Variants in RAPGEF4 observed in about 807,000 individuals in gnomAD.
The protein encoded by RAPGEF4 is RAP guanine-nucleotide-exchange factor (GEF) 4.
A neutral mutation model predicts 147.9 loss-of-function variants in RAPGEF4; 66 were observed. The observed-to-expected ratio is 0.45, with a 90% confidence interval of 0.37 to 0.55. RAPGEF4 has a LOEUF of 0.55. Ranked by LOEUF, RAPGEF4 falls within the 20% of genes least tolerant of loss-of-function variation. The pLI, the probability that RAPGEF4 is intolerant of heterozygous loss-of-function variation, is 0.00. For missense variants in RAPGEF4, 1,071 were observed against 1,257.3 expected (o/e 0.85, Z 2.24); for synonymous variants, 419 against 442.7 (o/e 0.95, Z 0.67).
rs3214814 is a variant in RAPGEF4, at chr2:173,001,248, G to GTT, written c.1580-12_1580-11dup. 1.3e-5 allele frequency: 21 copies of GTT among 1,612,468 alleles called. No individual in the cohort carries two copies. Among genetic ancestry groups the GTT allele is most frequent in the Middle Eastern group, 3.3e-4 (2 of 6,082 alleles). ...CCACAAGAACCTAATTTCCTTTTCTGTTTTTTTCCCCTTCCAGATTCTGTT... is the reference window on the plus strand; with the variant it reads ...CCACAAGAACCTAATTTCCTTTTCTGTTTTTTTTTCCCCTTCCAGATTCTGTT... On this transcript the variant is annotated splice_polypyrimidine_tract_variant and intron_variant, in intron 16 of 30. Transcript: ENST00000397081.
intron 13 of RAPGEF4, 24 bp from the exon 14 acceptor site, chr2:172,988,669 A>T: frequency 6.2e-7 from 1 of 1,600,548 alleles, no homozygotes; most frequent in Non-Finnish European, 8.6e-7. Context: ...GATCTTCTTC[A>T]TCTGTGTGCT....
chr2:172,994,798 A>G (rs1483303748), intron 15 of RAPGEF4, among the ~76,000 whole-genome samples: 4 of 152,110 alleles, frequency 2.6e-5, no homozygotes, highest in African/African-American at 9.7e-5. Flanking sequence ...AGGAAAAACC[A>G]TTGTCTTCTA....
intron 1 of RAPGEF4, among the ~76,000 whole-genome samples, chr2:172,763,851 T>C (rs1696574726): frequency 6.6e-6 from 1 of 152,204 alleles, no homozygotes; most frequent in Admixed American, 6.5e-5. Flanking sequence ...TGTTACAAAA[T>C]TGTAAATGTA....
intron 17 of RAPGEF4, among the ~76,000 whole-genome samples, chr2:173,009,344 T>G (rs1467523100): frequency 6.6e-6 from 1 of 152,198 alleles, no homozygotes; most frequent in African/African-American, 2.4e-5. Flanking sequence ...CTGTAATCAG[T>G]TGATTAAAAA....
chr2:172,887,759 G>T (rs2468390), intron 4 of RAPGEF4, among the ~76,000 whole-genome samples: 8 of 151,864 alleles, frequency 5.3e-5, no homozygotes, highest in Non-Finnish European at 1.0e-4. Flanking sequence ...GAACCTTTTC[G>T]TGCATCTGAG....
rs1337084345 is a variant in RAPGEF4, at chr2:172,814,376, G to A, written c.395G>A (p.Ser132Asn). Residue 132 changes from serine (S) to asparagine (N), a missense_variant, in exon 4 of 31, where the codon AGC (serine) becomes AAC (asparagine). Coordinates refer to ENST00000397081, the MANE Select transcript of RAPGEF4 (RefSeq NM_007023.4). ...PRHATIVTRE[S>N]SELLRIEQKD... ...CATGCAACCATCGTTACCAGGGAGA[G>A]CAGTGAACTGCTCCGCATCGAGCAG... 1 of 1,614,034 alleles carries A rather than the reference G, an allele frequency of 6.2e-7. No homozygotes were observed. Among genetic ancestry groups the A allele is most frequent in the Non-Finnish European group, 8.5e-7 (1 of 1,180,024 alleles).
In RAPGEF4 at chr2:172,810,477, G is replaced by A. The variant is rs577108183; in HGVS notation, c.298-3802G>A. 4.6e-5 allele frequency among the ~76,000 whole-genome samples: 7 copies of A among 152,344 alleles called. No individual in the cohort carries two copies. In the South Asian group the frequency reaches 1.4e-3, roughly 32 times the overall value. On this transcript the variant is annotated intron_variant, in intron 3 of 30. Transcript: ENST00000397081. ...GCATGCTGCTGCACAATGGGACTAA[G>A]GATGGGTGGATAATTAAGTAAGGAG...
At chr2:172,823,248 C>T (rs998697684) in intron 4 of RAPGEF4, among the ~76,000 whole-genome samples, 3 of 152,126 alleles carry the variant, frequency 2.0e-5, no homozygotes, top group Non-Finnish European at 4.4e-5. Context: ...AGCCTTGTTC[C>T]GAGGGACTGA....
chr2:173,011,847 C>T (rs1406656175), intron 17 of RAPGEF4, among the ~76,000 whole-genome samples: 8 of 120,390 alleles, frequency 6.6e-5, no homozygotes, highest in Non-Finnish European at 8.9e-5. Flanking sequence ...TAGCAGACTC[C>T]GTCTCAAAAA....
At chr2:172,987,628 A>G (rs556628721) in intron 12 of RAPGEF4, among the ~76,000 whole-genome samples, 2 of 152,336 alleles carry the variant, frequency 1.3e-5, no homozygotes, top group East Asian at 1.9e-4. Flanking sequence ...TTTACATTGT[A>G]TTAGCTATTA....
intron 4 of RAPGEF4, chr2:172,860,394 G>A (rs1165679610): frequency 2.3e-6 from 2 of 872,028 alleles, no homozygotes; most frequent in Non-Finnish European, 2.8e-6. Context: ...GAAGCCTCAA[G>A]CATGTTTATT....
intron 4 of RAPGEF4, among the ~76,000 whole-genome samples, chr2:172,884,688 T>C (rs1353218899): frequency 6.6e-6 from 1 of 152,218 alleles, no homozygotes; most frequent in East Asian, 1.9e-4. Context: ...AAAAGAGTTT[T>C]AAAGGTCTGT....
intron 15 of RAPGEF4, among the ~76,000 whole-genome samples, chr2:172,992,208 C>T (rs1243781082): frequency 6.6e-6 from 1 of 152,200 alleles, no homozygotes; most frequent in Non-Finnish European, 1.5e-5. Context: ...AAAAAAACTA[C>T]CTGTCACTTA....
chr2:172,980,017 T>A (rs1691509683), intron 10 of RAPGEF4, among the ~76,000 whole-genome samples: 2 of 152,202 alleles, frequency 1.3e-5, no homozygotes, highest in South Asian at 4.1e-4. Flanking sequence ...GAGAGCCAGT[T>A]TCACTTAGGA....
At chr2:172,795,671 T>C (rs1204798614) in intron 2 of RAPGEF4, among the ~76,000 whole-genome samples, 1 of 152,220 alleles carries the variant, frequency 6.6e-6, no homozygotes, top group Non-Finnish European at 1.5e-5. Context: ...GAACACTTTA[T>C]GCTGCACTCA....
intron 4 of RAPGEF4, among the ~76,000 whole-genome samples, chr2:172,892,920 TTC>T (rs1698087186): frequency 6.6e-6 from 1 of 152,250 alleles, no homozygotes; most frequent in Non-Finnish European, 1.5e-5. Context: ...AACTGTGGCA[TTC>T]CTTGGGGCAA....
At chr2:173,040,333 C>T (rs532350779) in intron 29 of RAPGEF4, among the ~76,000 whole-genome samples, 5 of 152,160 alleles carry the variant, frequency 3.3e-5, no homozygotes, top group African/African-American at 9.7e-5. Context: ...CTAACCCACC[C>T]CTACCCCCAT....
At chr2:172,920,948 T>C (rs1184343910) in intron 5 of RAPGEF4, among the ~76,000 whole-genome samples, 1 of 152,094 alleles carries the variant, frequency 6.6e-6, no homozygotes, top group Non-Finnish European at 1.5e-5. Context: ...ATAGCTCTTC[T>C]CTGCCTCTTT....
At chr2:172,746,287 G>C (rs903794032) in intron 1 of RAPGEF4, among the ~76,000 whole-genome samples, 3 of 151,994 alleles carry the variant, frequency 2.0e-5, no homozygotes, top group African/African-American at 7.3e-5. Flanking sequence ...GTATAATTTG[G>C]TAGCCAAACA....
Sources: gnomAD v4.1 joint callset for allele counts (sites outside exome capture counted in the v4.1 genomes callset) on GRCh38, gnomAD v4.1.1 for gene constraint, MANE v1.5 for transcripts, NCBI Gene and HGNC (gene_info 2026-07-23, HGNC 2026-07-21) for gene names.